The following SUMF1 variants were observed in gnomAD, a reference collection of about 807,000 sequenced individuals.
SUMF1 encodes formylglycine-generating enzyme.
In SUMF1, 48 loss-of-function variants were observed where a neutral mutation model predicts 47.6. The observed-to-expected ratio is 1.01, with a 90% CI of 0.80 to 1.28. SUMF1 has a LOEUF of 1.28. SUMF1 is among the 50% of genes most tolerant of loss of function. SUMF1 has a pLI of 0.00. For missense variants in SUMF1, 571 were observed against 485.4 expected (o/e 1.18, Z -1.66); for synonymous variants, 230 against 192.1 (o/e 1.20, Z -1.63).
intron 8 of SUMF1, among the ~76,000 whole-genome samples, chr3:4,070,314 T>C (rs993560214): frequency 7.2e-5 from 11 of 152,286 alleles, no homozygotes; most frequent in Admixed American, 7.2e-4. Context: ...TTCACAGGCA[T>C]GGTCACTCAA....
At chr3:4,069,810 C>T (rs566999479) in intron 8 of SUMF1, among the ~76,000 whole-genome samples, 1 of 152,216 alleles carries the variant, frequency 6.6e-6, no homozygotes, top group East Asian at 1.9e-4. Flanking sequence ...TATATAACCC[C>T]AAAATATATT....
At chr3:4,141,817 T>C (rs1237946382) in intron 8 of SUMF1, among the ~76,000 whole-genome samples, 2 of 152,050 alleles carry the variant, frequency 1.3e-5, no homozygotes, top group South Asian at 2.1e-4. Context: ...GGGCAATCCA[T>C]AGGGAACTTT....
At chr3:4,111,638 C>G (rs1012683703) in intron 8 of SUMF1, among the ~76,000 whole-genome samples, 1 of 151,926 alleles carries the variant, frequency 6.6e-6, no homozygotes, top group African/African-American at 2.4e-5. Flanking sequence ...ACTCCGGAGG[C>G]TGAGGCAAGA....
chr3:4,284,439 G>T (rs977567828), intron 8 of SUMF1, among the ~76,000 whole-genome samples: 1 of 103,064 alleles, frequency 9.7e-6, no homozygotes, highest in Non-Finnish European at 1.9e-5. Flanking sequence ...AATAAAAAAT[G>T]AAAGGAGGAG....
chr3:4,187,873 G>A (rs1695234128), intron 8 of SUMF1, among the ~76,000 whole-genome samples: 1 of 152,108 alleles, frequency 6.6e-6, no homozygotes, highest in African/African-American at 2.4e-5. Context: ...AGTATTTTCT[G>A]ACCATACACC....
chr3:4,128,122 A>G (rs901653158), intron 8 of SUMF1, among the ~76,000 whole-genome samples: 1 of 152,146 alleles, frequency 6.6e-6, no homozygotes, highest in Non-Finnish European at 1.5e-5. Flanking sequence ...AGAAGCAGAT[A>G]CTGAGCTTCA....
rs569905967 is a variant in SUMF1, at chr3:4,324,597, G to A, written c.1014+51733C>T. On this transcript the variant is annotated intron_variant and NMD_transcript_variant, in intron 8 of 12. Transcript: ENST00000448413. ...ATCTACATTTTACATGTGAAAAGTG[G>A]GAGGAGAGGAAAAAGTCGATTATGC... is the stretch of plus-strand genomic sequence containing the variant. Among the ~76,000 whole-genome samples, 62 of 152,266 alleles carry A rather than the reference G, an allele frequency of 4.1e-4. 1 individual carries two copies. In the South Asian group the frequency reaches 0.012, roughly 31 times the overall value.
At chr3:4,116,201 C>G (rs982327142) in intron 8 of SUMF1, among the ~76,000 whole-genome samples, 1 of 152,026 alleles carries the variant, frequency 6.6e-6, no homozygotes, top group Non-Finnish European at 1.5e-5. Context: ...AGAAAGTTAA[C>G]GTAGAAGAGG....
At chr3:4,380,592 A>G (rs1178525111) in intron 7 of SUMF1, among the ~76,000 whole-genome samples, 1 of 152,224 alleles carries the variant, frequency 6.6e-6, no homozygotes, top group Admixed American at 6.5e-5. Flanking sequence ...TTGGAAAGAA[A>G]AACAAAGTCT....
chr3:4,180,566 A>T (rs1695072289), intron 8 of SUMF1, among the ~76,000 whole-genome samples: 1 of 151,970 alleles, frequency 6.6e-6, no homozygotes, highest in Non-Finnish European at 1.5e-5. Flanking sequence ...TGGGGGAGGG[A>T]TAGCATTAGG....
At chr3:4,260,427 A>T (rs114673858) in intron 8 of SUMF1, among the ~76,000 whole-genome samples, 1 of 152,176 alleles carries the variant, frequency 6.6e-6, no homozygotes, top group Non-Finnish European at 1.5e-5. Context: ...ACATTTTAAA[A>T]TTTTCAAATA....
At chr3:4,269,022 A>G (rs1255643451) in intron 8 of SUMF1, among the ~76,000 whole-genome samples, 1 of 152,180 alleles carries the variant, frequency 6.6e-6, no homozygotes, top group East Asian at 1.9e-4. Context: ...TAATTTTTAA[A>G]GTAACTTTTT....
At chr3:4,297,433 C>T (rs1025339203) in intron 8 of SUMF1, among the ~76,000 whole-genome samples, 1 of 152,054 alleles carries the variant, frequency 6.6e-6, no homozygotes, top group African/African-American at 2.4e-5. Context: ...GAGAAGGTCT[C>T]TCTCCGTCGC....
intron 8 of SUMF1, among the ~76,000 whole-genome samples, chr3:4,087,180 A>C (rs1348589163): frequency 6.6e-6 from 1 of 152,176 alleles, no homozygotes. Flanking sequence ...TGGGGTAGTG[A>C]GAATCAGAAG....
chr3:4,144,759 T>C (rs1379649112), intron 8 of SUMF1, among the ~76,000 whole-genome samples: 2 of 152,310 alleles, frequency 1.3e-5, no homozygotes, highest in South Asian at 2.1e-4. Flanking sequence ...AGGTTTCACG[T>C]AATTTCAGTT....
intron 9 of SUMF1, among the ~76,000 whole-genome samples, chr3:4,060,584 A>G (rs1695261654): frequency 6.6e-6 from 1 of 152,178 alleles, no homozygotes; most frequent in African/African-American, 2.4e-5. Context: ...TTAACATTCA[A>G]ACACATTTTG....
At chr3:4,355,335 T>C (rs1575123914) in intron 8 of SUMF1, among the ~76,000 whole-genome samples, 1 of 152,208 alleles carries the variant, frequency 6.6e-6, no homozygotes, top group East Asian at 1.9e-4. Flanking sequence ...CGGGCCTGGA[T>C]GACAGAGGAA....
At chr3:4,228,435 A>C (rs76912256) in intron 8 of SUMF1, among the ~76,000 whole-genome samples, 1 of 152,122 alleles carries the variant, frequency 6.6e-6, no homozygotes, top group East Asian at 1.9e-4. Flanking sequence ...AAGTGACAGA[A>C]TACTCAGGGT....
At chr3:4,090,624 G>T (rs1692764784) in intron 8 of SUMF1, among the ~76,000 whole-genome samples, 2 of 152,090 alleles carry the variant, frequency 1.3e-5, no homozygotes, top group South Asian at 4.1e-4. Flanking sequence ...CAGTATAAAA[G>T]CATCCAGCAA....
Sources: allele counts gnomAD v4.1 joint callset (sites outside exome capture counted in the v4.1 genomes callset), GRCh38; gene constraint gnomAD v4.1.1; transcripts MANE v1.5; gene names NCBI Gene and HGNC (gene_info 2026-07-23, HGNC 2026-07-21).